TUG1: variants seen among roughly 807,000 people sequenced by gnomAD.
TUG1 encodes the protein taurine up-regulated 1.
exon 1 of TUG1, chr22:30,970,995 C>T (rs2041223702): frequency 6.6e-6 from 1 of 152,152 alleles, no homozygotes; most frequent in South Asian, 2.1e-4. Flanking sequence ...TCCAAGATGC[C>T]AGTTTTTGCT....
exon 3 of TUG1, chr22:30,977,175 AG>A (rs2041298089): frequency 6.6e-6 from 1 of 152,216 alleles, no homozygotes; most frequent in Admixed American, 6.5e-5. Flanking sequence ...TGATTAGAAA[AG>A]CAAAAAACCT....
chr22:30,975,374 C>T (rs2041276518), exon 3 of TUG1: 1 of 152,200 alleles, frequency 6.6e-6, no homozygotes, highest in Admixed American at 6.5e-5. Context: ...TTCCTTACAA[C>T]ACCTTGAACT....
chr22:30,978,331 G>A (rs1419537425), exon 3 of TUG1: 1 of 152,142 alleles, frequency 6.6e-6, no homozygotes, highest in Non-Finnish European at 1.5e-5. Context: ...CTCTCATGGT[G>A]TTTTTTTAGA....
chr22:30,975,476 A>C (rs1293729508), exon 3 of TUG1: 1 of 152,244 alleles, frequency 6.6e-6, no homozygotes, highest in Non-Finnish European at 1.5e-5. Context: ...CACTCAGCAC[A>C]GTTCATGTTC....
At chr22:30,976,571 C>T (rs1033780854) in exon 3 of TUG1, 3 of 152,180 alleles carry the variant, frequency 2.0e-5, no homozygotes, top group Non-Finnish European at 4.4e-5. Context: ...GAGCAGCTGA[C>T]TTCATTCCTT....
At chr22:30,978,219 T>C (rs2041311854) in exon 3 of TUG1, 3 of 152,390 alleles carry the variant, frequency 2.0e-5, no homozygotes, top group African/African-American at 7.2e-5. Flanking sequence ...CCACTGAGTT[T>C]GCTTGTGTTG....
chr22:30,975,137 T>G (rs529228699), intron 2 of TUG1, 33 bp from the exon 3 acceptor site: 56 of 152,382 alleles, frequency 3.7e-4, no homozygotes, highest in African/African-American at 1.3e-3. Context: ...GCTTACAGTT[T>G]CTGCTTTCTG....
exon 1 of TUG1, chr22:30,969,595 T>TCGGCGG (rs2041199974): frequency 2.6e-5 from 4 of 151,654 alleles, no homozygotes; most frequent in Non-Finnish European, 5.9e-5. Context: ...GTCCGGGTGG[T>TCGGCGG]CGGCGGCGGC....
chr22:30,969,877 A>G (rs2041206107), exon 1 of TUG1: 1 of 152,202 alleles, frequency 6.6e-6, no homozygotes, highest in Non-Finnish European at 1.5e-5. Context: ...CGGAGTCGGA[A>G]GAGCTGGGTT....
exon 1 of TUG1, chr22:30,969,629 G>C (rs1043296306): frequency 2.0e-5 from 3 of 152,690 alleles, no homozygotes; most frequent in Non-Finnish European, 2.9e-5. Context: ...GCCCCGCTCC[G>C]GGGGAGGCGG....
exon 2 of TUG1, chr22:30,973,161 CCATGAGTGTGCATTT>C (rs1233923934): frequency 1.3e-5 from 2 of 152,646 alleles, no homozygotes; most frequent in Non-Finnish European, 1.5e-5. Context: ...CTAGTTTGTT[CCATGAGTGTGCATTT>C]CATTTCTTCA....
At chr22:30,969,674 G>C (rs2041201924) in exon 1 of TUG1, 1 of 152,704 alleles carries the variant, frequency 6.5e-6, no homozygotes, top group South Asian at 1.9e-4. Context: ...GAGCGGCCGG[G>C]GAGGCGGGGG....
chr22:30,975,971 T>C (rs1288462627), exon 3 of TUG1: 1 of 151,556 alleles, frequency 6.6e-6, no homozygotes, highest in African/African-American at 2.4e-5. Context: ...AAACTACACA[T>C]CACTGTATGA....
At chr22:30,971,333 C>G (rs1015214991) in exon 1 of TUG1, 1 of 152,234 alleles carries the variant, frequency 6.6e-6, no homozygotes, top group Non-Finnish European at 1.5e-5. Context: ...GTAATTAAAT[C>G]CGGATGTACC....
At chr22:30,976,646 G>A (rs2041290695) in exon 3 of TUG1, 1 of 152,196 alleles carries the variant, frequency 6.6e-6, no homozygotes, top group African/African-American at 2.4e-5. Context: ...GTTTCAGCAG[G>A]AAGGATTCAG....
chr22:30,969,912 G>A (rs2041206809), exon 1 of TUG1: 1 of 152,310 alleles, frequency 6.6e-6, no homozygotes, highest in African/African-American at 2.4e-5. Flanking sequence ...GCCACCAGTT[G>A]GCGGAGTGAC....
chr22:30,972,159 A>G (rs1253887989), intron 1 of TUG1: 1 of 152,224 alleles, frequency 6.6e-6, no homozygotes, highest in African/African-American at 2.4e-5. Context: ...GCAGGCTATC[A>G]GAATAACCAC....
Position 30,974,259 on chromosome 22 carries a change from C to G in TUG1, c.*2694+672C>G, listed in dbSNP as rs1008916202. ...AAGTATGTAAGACATGGCCCTTCCC[C>G]CAGTCTACATTGAGGTATAGTGTAT... On this transcript the variant is annotated intron_variant, in intron 2 of 2. Transcript: ENST00000644773. The G allele has an allele frequency of 6.6e-5, 10 of 151,334 alleles. 1 individual carries two copies. The highest frequency in any genetic ancestry group is 5.9e-4 in the Admixed American group (9 of 15,174). The allele number at this position is 151,334 out of a possible 1,614,324, so 9.4% of individuals were successfully genotyped here.
Position 30,975,600 on chromosome 22 carries a change from C to G in TUG1, c.*3125C>G, listed in dbSNP as rs148425674. 6 of 152,288 alleles carry G rather than the reference C, an allele frequency of 3.9e-5. No individual in the cohort carries two copies. The East Asian group carries it at 1.2e-3, about 29-fold the overall frequency. The allele number at this position is 152,288 out of a possible 1,614,324, so 9.4% of individuals were successfully genotyped here. ...TTTGCTGAAGATGGTGTCAAGTGAA[C>G]CTAGATTAACAGCCCTCCACTCCAG... On this transcript the variant is annotated 3_prime_UTR_variant, in exon 3 of 3. Coordinates refer to ENST00000644773, the Ensembl canonical transcript of TUG1.
Sources: allele counts gnomAD v4.1 joint callset, GRCh38; gene constraint gnomAD v4.1.1; transcripts MANE v1.5; gene names NCBI Gene and HGNC (gene_info 2026-07-23, HGNC 2026-07-21).